Variants in LOC128125822 observed in about 807,000 individuals in gnomAD.
chr6:63,576,554 C>A, the LOC128125822 span: 2 of 443,498 alleles, frequency 4.5e-6, no homozygotes, highest in South Asian at 6.2e-5. Flanking sequence ...GATTACTGCT[C>A]CACCAAGAAG....
the LOC128125822 span, chr6:63,581,825 A>C: frequency 6.6e-6 from 1 of 152,186 alleles, no homozygotes; most frequent in African/African-American, 2.4e-5. Context: ...ATACCTTTAT[A>C]GATTTTGAAA....
the LOC128125822 span, chr6:63,580,065 G>A: frequency 1.8e-5 from 29 of 1,606,752 alleles, no homozygotes; most frequent in South Asian, 4.4e-5. Context: ...AGAAAGCGGC[G>A]TGGAGCTTTT....
chr6:63,578,608 C>G, the LOC128125822 span: 1 of 1,509,102 alleles, frequency 6.6e-7, no homozygotes, highest in Non-Finnish European at 8.8e-7. Flanking sequence ...AAATAAATAT[C>G]TATTTAAGTC....
the LOC128125822 span, among the ~76,000 whole-genome samples, chr6:63,574,457 G>A: frequency 6.6e-6 from 1 of 152,090 alleles, no homozygotes; most frequent in Non-Finnish European, 1.5e-5. Context: ...TCTATCGGTG[G>A]CCACCACTGC....
At chr6:63,577,050 C>A in the LOC128125822 span, 3 of 1,303,806 alleles carry the variant, frequency 2.3e-6, no homozygotes, top group Admixed American at 2.2e-5. Flanking sequence ...TTATAGCTAA[C>A]AAAATAAAAA....
At chr6:63,581,216 A>T in the LOC128125822 span, 1 of 152,524 alleles carries the variant, frequency 6.6e-6, no homozygotes, top group Non-Finnish European at 1.5e-5. Flanking sequence ...CAGACATCTA[A>T]TATTTTATAT....
chr6:63,579,811 G>A, the LOC128125822 span, among the ~76,000 whole-genome samples: 10 of 152,220 alleles, frequency 6.6e-5, no homozygotes, highest in Non-Finnish European at 1.0e-4. Flanking sequence ...GTGGACTTAC[G>A]TGTAAATGGA....
chr6:63,572,600 C>G, the LOC128125822 span: 1 of 418,998 alleles, frequency 2.4e-6, no homozygotes, highest in Non-Finnish European at 4.1e-6. Context: ...GCCGCCACCG[C>G]CGCTCCGCCA....
chr6:63,582,429 C>T, the LOC128125822 span: 1 of 152,568 alleles, frequency 6.6e-6, no homozygotes, highest in Admixed American at 6.6e-5. Context: ...TAAACCTTAT[C>T]TGTACATTAT....
the LOC128125822 span, among the ~76,000 whole-genome samples, chr6:63,575,815 T>C: frequency 2.6e-5 from 4 of 152,152 alleles, no homozygotes; most frequent in Non-Finnish European, 5.9e-5. Flanking sequence ...ATGGGAATGA[T>C]AACAGATTGT....
At chr6:63,574,388 A>G in the LOC128125822 span, among the ~76,000 whole-genome samples, 1 of 152,132 alleles carries the variant, frequency 6.6e-6, no homozygotes, top group Non-Finnish European at 1.5e-5. Context: ...CCCATTATGG[A>G]TAGTTTTTCC....
the LOC128125822 span, chr6:63,578,338 A>G: frequency 2.3e-6 from 3 of 1,305,008 alleles, no homozygotes; most frequent in Non-Finnish European, 3.0e-6. Context: ...TCTTCTGTTA[A>G]CCAGCATACT....
the LOC128125822 span, among the ~76,000 whole-genome samples, chr6:63,579,619 G>A: frequency 5.3e-3 from 802 of 152,180 alleles, 5 homozygotes; most frequent in African/African-American, 0.019. Context: ...TACATTTAAA[G>A]ATACAATAAA....
chr6:63,578,326 G>A, the LOC128125822 span: 3 of 1,238,234 alleles, frequency 2.4e-6, no homozygotes, highest in Non-Finnish European at 2.1e-6. Flanking sequence ...TTCTTTAAAT[G>A]ATCTTCTGTT....
the LOC128125822 span, among the ~76,000 whole-genome samples, chr6:63,576,274 T>C: frequency 6.6e-6 from 1 of 152,176 alleles, no homozygotes; most frequent in Non-Finnish European, 1.5e-5. Context: ...ATTTAATCTG[T>C]ACTCACCCCT....
chr6:63,579,432 T>A, the LOC128125822 span: 1 of 830,648 alleles, frequency 1.2e-6, no homozygotes, highest in Non-Finnish European at 1.8e-6. Flanking sequence ...TTATGATTAT[T>A]TTTTGAGATA....
the LOC128125822 span, among the ~76,000 whole-genome samples, chr6:63,574,817 G>T: frequency 6.6e-6 from 1 of 152,158 alleles, no homozygotes; most frequent in Non-Finnish European, 1.5e-5. Flanking sequence ...AGAATTTGGG[G>T]TGAAAGTATA....
At chr6:63,577,240 T>TA in the LOC128125822 span, among the ~76,000 whole-genome samples, 1 of 152,170 alleles carries the variant, frequency 6.6e-6, no homozygotes, top group Non-Finnish European at 1.5e-5. Context: ...GTATAGCTCT[T>TA]ACTTATCTTG....
the LOC128125822 span, chr6:63,582,067 T>G: frequency 4.6e-5 from 7 of 152,140 alleles, no homozygotes; most frequent in African/African-American, 1.7e-4. Context: ...ACTTAATATA[T>G]TTCATTGGAT....
Sources: gnomAD v4.1 joint callset for allele counts (sites outside exome capture counted in the v4.1 genomes callset) on GRCh38, gnomAD v4.1.1 for gene constraint, MANE v1.5 for transcripts.